The following SHROOM2 variants were observed in gnomAD, a reference collection of about 807,000 sequenced individuals.
SHROOM2 encodes shroom family member 2.
In SHROOM2, 33 loss-of-function variants were observed where a neutral mutation model predicts 75.9. The ratio of observed to expected loss-of-function variants is 0.43; its 90% CI spans 0.33 to 0.58. SHROOM2 has a LOEUF of 0.58. Among genes scored for constraint, SHROOM2 ranks in the 20% least tolerant of loss-of-function variants. The probability of loss-of-function intolerance (pLI) is 0.04; values close to 1 mark genes in which losing one functional copy is unlikely to be tolerated. For synonymous variants in SHROOM2, 655 were observed against 663.6 expected, an observed-to-expected ratio of 0.99 and a Z score of 0.20; for missense variants, 1,434 against 1,461.2, an observed-to-expected ratio of 0.98 and a Z score of 0.30.
chrX:9,896,473 C>T lies in SHROOM2; in HGVS notation c.2565C>T (p.His855=). ...TTSLGDSLNA[H]SAAEKAGTSD... ...CCCTTGGGGACAGCCTCAACGCTCA[C>T]AGCGCAGCGGAGAAGGCAGGGACTT... Residue 855 remains histidine, a synonymous_variant, in exon 4 of 10, where the codon CAC becomes CAT. Transcript: ENST00000380913. 1 of 1,210,689 alleles carries T rather than the reference C, an allele frequency of 8.3e-7. No individual in the cohort carries two copies. The highest frequency in any genetic ancestry group is 1.1e-6 in the Non-Finnish European group (1 of 894,861).
intron 1 of SHROOM2, among the ~76,000 whole-genome samples, chrX:9,826,746 G>A (rs1443075295): frequency 1.8e-5 from 2 of 111,880 alleles, no homozygotes; most frequent in Non-Finnish European, 3.8e-5. Context: ...TCTGCACTCC[G>A]TCCAGGGCGA....
At chrX:9,848,528 A>AAAAAAG (rs2084020157) in intron 1 of SHROOM2, among the ~76,000 whole-genome samples, 1 of 101,830 alleles carries the variant, frequency 9.8e-6, no homozygotes, top group African/African-American at 3.5e-5. Flanking sequence ...AAAAAAAAAA[A>AAAAAAG]AAAGAAAAGC....
chrX:9,931,743 C>T (rs1436884277), intron 5 of SHROOM2, among the ~76,000 whole-genome samples: 1 of 111,480 alleles, frequency 9.0e-6, no homozygotes, highest in Non-Finnish European at 1.9e-5. Context: ...AAAGGTTTAC[C>T]CCTTTGTATA....
intron 1 of SHROOM2, among the ~76,000 whole-genome samples, chrX:9,812,056 G>A (rs1215206831): frequency 1.8e-5 from 2 of 112,003 alleles, no homozygotes; most frequent in Admixed American, 1.9e-4. Flanking sequence ...CAGGTCGCAT[G>A]GTGACTTGAT....
chrX:9,945,019 A>G (rs2084806230), intron 9 of SHROOM2, 106 bp downstream of exon 9: 8 of 852,273 alleles, frequency 9.4e-6, no homozygotes, highest in Non-Finnish European at 1.1e-5. Context: ...TAGCTTCCAC[A>G]TGGCCTGTCC....
At chrX:9,833,307 C>G (rs759648843) in intron 1 of SHROOM2, among the ~76,000 whole-genome samples, 2 of 111,381 alleles carry the variant, frequency 1.8e-5, no homozygotes, top group Non-Finnish European at 3.8e-5. Flanking sequence ...CTCTCTGGCT[C>G]TTGTGTTAGT....
intron 1 of SHROOM2, among the ~76,000 whole-genome samples, chrX:9,862,267 AGGG>A (rs2084108656): frequency 1.8e-5 from 2 of 111,270 alleles, no homozygotes; most frequent in Non-Finnish European, 3.8e-5. Flanking sequence ...TAGCAGATAG[AGGG>A]AGTGGCCACT....
chrX:9,935,310 TTTATTATTA>T (rs201503800), intron 6 of SHROOM2, among the ~76,000 whole-genome samples: 11 of 99,182 alleles, frequency 1.1e-4, no homozygotes, highest in African/African-American at 4.2e-4. Flanking sequence ...TCCTCCTTCT[TTTATTATTA>T]TTATTATTAT....
intron 1 of SHROOM2, among the ~76,000 whole-genome samples, chrX:9,865,804 C>T (rs2084133808): frequency 9.1e-6 from 1 of 110,076 alleles, no homozygotes; most frequent in South Asian, 3.9e-4. Context: ...TCATGATTCG[C>T]CCACCTCACC....
At chrX:9,878,754 C>A (rs1214646693) in intron 2 of SHROOM2, among the ~76,000 whole-genome samples, 7 of 108,788 alleles carry the variant, frequency 6.4e-5, no homozygotes, top group Non-Finnish European at 1.1e-4. Flanking sequence ...CACCCCACCC[C>A]CTCCAGAACT....
At chrX:9,934,984 G>A (rs1029241082) in intron 6 of SHROOM2, among the ~76,000 whole-genome samples, 8 of 111,055 alleles carry the variant, frequency 7.2e-5, no homozygotes, top group Non-Finnish European at 3.8e-5. Flanking sequence ...TGTTGGCCAG[G>A]CTGGTCTCAA....
At chrX:9,797,476 A>T (rs2083701183) in intron 1 of SHROOM2, among the ~76,000 whole-genome samples, 1 of 112,681 alleles carries the variant, frequency 8.9e-6, no homozygotes, top group South Asian at 3.6e-4. Context: ...CCTTCTAGCA[A>T]ATATACCCAG....
intron 1 of SHROOM2, among the ~76,000 whole-genome samples, chrX:9,813,203 G>T (rs750728699): frequency 9.0e-6 from 1 of 111,566 alleles, no homozygotes; most frequent in Non-Finnish European, 1.9e-5. Flanking sequence ...AGTAGCCCTC[G>T]CCCTACCAGT....
intron 9 of SHROOM2, among the ~76,000 whole-genome samples, chrX:9,946,025 G>C (rs1286949931): frequency 1.8e-5 from 2 of 112,708 alleles, no homozygotes; most frequent in African/African-American, 6.4e-5. Context: ...GCTTGGAGAC[G>C]GTGCCCTTCT....
intron 1 of SHROOM2, among the ~76,000 whole-genome samples, chrX:9,833,648 A>ATGTG (rs1569144908): frequency 5.3e-4 from 41 of 77,070 alleles, no homozygotes; most frequent in African/African-American, 2.9e-3. Flanking sequence ...GTGTGTGTGC[A>ATGTG]TGCACGTGCA....
intron 4 of SHROOM2, 149 bp from the exon 5 acceptor site, chrX:9,898,041 G>A (rs932030957): frequency 3.9e-6 from 2 of 508,513 alleles, no homozygotes; most frequent in African/African-American, 4.6e-5. Context: ...AACAGAAGTG[G>A]ACGTGGGGTC....
chrX:9,866,000 C>T (rs1017854613), intron 1 of SHROOM2, among the ~76,000 whole-genome samples: 2 of 109,993 alleles, frequency 1.8e-5, no homozygotes, highest in Admixed American at 2.0e-4. Flanking sequence ...TGCCTGGTGC[C>T]TGCTGCCCAA....
chrX:9,934,809 TATC>T (rs1263309367), intron 6 of SHROOM2, among the ~76,000 whole-genome samples: 6 of 111,509 alleles, frequency 5.4e-5, no homozygotes, highest in African/African-American at 2.0e-4. Context: ...TTTATATTAT[TATC>T]ATTATTATTC....
chrX:9,807,255 G>T (rs1196993463), intron 1 of SHROOM2, among the ~76,000 whole-genome samples: 1 of 112,251 alleles, frequency 8.9e-6, no homozygotes, highest in Non-Finnish European at 1.9e-5. Context: ...TTTGGTAGGT[G>T]CAGGAAAGCC....
Sources: gnomAD v4.1 joint callset for allele counts (sites outside exome capture counted in the v4.1 genomes callset) on GRCh38, gnomAD v4.1.1 for gene constraint, MANE v1.5 for transcripts, NCBI Gene and HGNC (gene_info 2026-07-23, HGNC 2026-07-21) for gene names.